Variants in TULP4 observed in about 807,000 individuals in gnomAD.
The protein encoded by TULP4 is TUB like protein 4, also known as tubby-related protein 4.
In TULP4, 16 loss-of-function variants were observed where a neutral mutation model predicts 129.0. The ratio of observed to expected loss-of-function variants is 0.12; its 90% confidence interval spans 0.08 to 0.19. The LOEUF (loss-of-function observed/expected upper bound fraction) is 0.19. Ranked by LOEUF, TULP4 falls within the 10% of genes least tolerant of loss-of-function variation. The pLI, the probability that TULP4 is intolerant of heterozygous loss-of-function variation, is 1.00. For missense variants in TULP4, 1,842 were observed against 2,059.1 expected (o/e 0.89, Z 2.04); for synonymous variants, 998 against 854.0 (o/e 1.17, Z -2.94).
intron 1 of TULP4, among the ~76,000 whole-genome samples, chr6:158,399,828 C>A (rs1777802138): frequency 6.6e-6 from 1 of 152,202 alleles, no homozygotes; most frequent in African/African-American, 2.4e-5. Flanking sequence ...CCTTGGAACT[C>A]TTACACTGTA....
chr6:158,451,689 G>T (rs977871888), intron 4 of TULP4, among the ~76,000 whole-genome samples: 1 of 152,192 alleles, frequency 6.6e-6, no homozygotes, highest in African/African-American at 2.4e-5. Context: ...AATGAAAGAG[G>T]ATTTAGAAAG....
chr6:158,250,760 C>T (rs755447931), intron 1 of TULP4, among the ~76,000 whole-genome samples: 35 of 152,108 alleles, frequency 2.3e-4, no homozygotes, highest in Non-Finnish European at 4.4e-4. Context: ...TTCTTTCTCC[C>T]CCACATGACT....
intron 1 of TULP4, among the ~76,000 whole-genome samples, chr6:158,246,788 A>G (rs550949525): frequency 2.8e-4 from 43 of 152,346 alleles, no homozygotes; most frequent in African/African-American, 9.6e-4. Context: ...AACAGTCTCT[A>G]TACTTATGTG....
chr6:158,259,455 C>T (rs1778310146), intron 1 of TULP4, among the ~76,000 whole-genome samples: 3 of 152,214 alleles, frequency 2.0e-5, no homozygotes, highest in Non-Finnish European at 4.4e-5. Context: ...CTATGGAATT[C>T]AGTTGGGATT....
chr6:158,287,393 A>G (rs1475792574), intron 1 of TULP4, among the ~76,000 whole-genome samples: 1 of 152,242 alleles, frequency 6.6e-6, no homozygotes, highest in East Asian at 1.9e-4. Context: ...AGAGTAGAAC[A>G]GTTTTAACAC....
chr6:158,306,335 ACTT>A (rs1201405303), intron 1 of TULP4, among the ~76,000 whole-genome samples: 2 of 152,142 alleles, frequency 1.3e-5, no homozygotes. Flanking sequence ...CAGGCAGATC[ACTT>A]GGGCCCAGGA....
chr6:158,494,725 C>T (rs1202402181), intron 10 of TULP4, 28 bp from the exon 11 acceptor site: 3 of 1,583,798 alleles, frequency 1.9e-6, no homozygotes, highest in Non-Finnish European at 2.6e-6. Context: ...GATTGTGATT[C>T]TTCTTTTTTC....
At chr6:158,447,848 A>G (rs949460105) in intron 3 of TULP4, among the ~76,000 whole-genome samples, 4 of 152,228 alleles carry the variant, frequency 2.6e-5, no homozygotes, top group Non-Finnish European at 2.9e-5. Context: ...TAAATTGGAG[A>G]TAACTTGCAT....
At chr6:158,363,584 A>G (rs997569605) in intron 1 of TULP4, among the ~76,000 whole-genome samples, 6 of 152,282 alleles carry the variant, frequency 3.9e-5, no homozygotes, top group Admixed American at 3.9e-4. Flanking sequence ...CCTGGGTTCA[A>G]GTGATTCTCC....
At chr6:158,415,035 CTT>C in intron 2 of TULP4, among the ~76,000 whole-genome samples, 1 of 152,308 alleles carries the variant, frequency 6.6e-6, no homozygotes, top group East Asian at 1.9e-4. Flanking sequence ...ATGATTTTCT[CTT>C]TTGGCAGAGA....
intron 1 of TULP4, among the ~76,000 whole-genome samples, chr6:158,388,238 C>A (rs1168145772): frequency 2.0e-5 from 3 of 151,316 alleles, no homozygotes; most frequent in African/African-American, 7.3e-5. Flanking sequence ...AAATAATTAA[C>A]CATGTAATTT....
At position 158,502,315 on chromosome 6, in the gene TULP4, C is replaced by T; in HGVS notation, c.2652C>T (p.Gly884=). ...CAGTGCACTACCAGACCCCCCTGGGCTATGAGAGGATCACCACCTTCGACA... is the reference window on the plus strand; with the variant it reads ...CAGTGCACTACCAGACCCCCCTGGGTTATGAGAGGATCACCACCTTCGACA... ...PTSVHYQTPL[G]YERITTFDSS... Residue 884 remains glycine (G), a synonymous_variant, in exon 13 of 14, where the codon GGC becomes GGT. Transcript: ENST00000367097. 4 of 1,613,508 alleles carry T rather than the reference C, an allele frequency of 2.5e-6. No homozygotes were observed. The highest frequency in any genetic ancestry group is 3.4e-6 in the Non-Finnish European group (4 of 1,179,872).
Position 158,452,213 on chromosome 6 carries a change from C to T in TULP4, c.804C>T (p.Ser268=), listed in dbSNP as rs1281423385. ...LTVSFTSGDI[S]LMNNYDDLSP... ...TCAGCTTCACCTCGGGAGACATCAGCTTAATGAACAACTACGATGACTTGT... is the reference window on the plus strand; with the variant it reads ...TCAGCTTCACCTCGGGAGACATCAGTTTAATGAACAACTACGATGACTTGT... The change falls in exon 5 of 14, where the codon AGC becomes AGT. Residue 268 remains serine (S), a synonymous_variant. Coordinates refer to ENST00000367097, the MANE Select transcript of TULP4 (RefSeq NM_020245.5). 1 of 1,614,188 alleles carries T rather than the reference C, an allele frequency of 6.2e-7. No homozygotes were observed. The highest frequency in any genetic ancestry group is 8.5e-7 in the Non-Finnish European group (1 of 1,180,034).
chr6:158,280,019 T>C (rs1259316132), upstream of TULP4, among the ~76,000 whole-genome samples: 2 of 152,236 alleles, frequency 1.3e-5, no homozygotes, highest in East Asian at 3.8e-4. Flanking sequence ...AGGGTTTGAC[T>C]TTCTCCATCC....
chr6:158,352,959 T>C (rs965359458), intron 1 of TULP4, among the ~76,000 whole-genome samples: 2 of 152,228 alleles, frequency 1.3e-5, no homozygotes, highest in Non-Finnish European at 2.9e-5. Flanking sequence ...TATTCTTTCG[T>C]ATTTGTGTCT....
rs1447696331 is a variant in TULP4 at position 158,502,442 on chromosome 6, C to T, written c.2779C>T (p.Leu927Phe). Residue 927 changes from leucine to phenylalanine, a missense_variant, in exon 13 of 14, where the codon CTC becomes TTC. Transcript: ENST00000367097. ...CCCGGGTAGCTCTGCCACCTTGAGGCTCACGGCCACTGAGAAGAAGGTCCC... is the reference window on the plus strand; with the variant it reads ...CCCGGGTAGCTCTGCCACCTTGAGGTTCACGGCCACTGAGAAGAAGGTCCC... ...PGPGSSATLRLTATEKKVPQP... is the reference protein window; with the variant it reads ...PGPGSSATLRFTATEKKVPQP... The T allele has an allele frequency of 2.5e-6, 4 of 1,613,570 alleles. No homozygotes were observed. Among genetic ancestry groups the T allele is most frequent in the Non-Finnish European group, 2.5e-6 (3 of 1,179,902 alleles).
chr6:158,444,020 C>A lies in TULP4; in HGVS notation c.544-4976C>A, dbSNP rs997962382. 1.1e-4 allele frequency among the ~76,000 whole-genome samples: 16 copies of A among 151,904 alleles called. No homozygotes were observed. The East Asian group carries it at 2.1e-3, about 20-fold the overall frequency. On this transcript the variant is annotated intron_variant, in intron 3 of 13. Coordinates refer to ENST00000367097, the MANE Select transcript of TULP4 (RefSeq NM_020245.5). Reference sequence around the variant, plus strand: ...GGATCACAAGGTCAGGAGATTGAGACCATCCTGGCTAACACGGTGAAACCC... The same window carrying A: ...GGATCACAAGGTCAGGAGATTGAGAACATCCTGGCTAACACGGTGAAACCC...
In TULP4 at chr6:158,503,317, T is replaced by C; in HGVS notation, c.3654T>C (p.Phe1218=). The change falls in exon 13 of 14, where the codon TTT becomes TTC. Residue 1218 remains phenylalanine (F), a synonymous_variant. Transcript: ENST00000367097. This position sits in a 1 kb window ranked among gnomAD's most constrained non-coding sequence, Gnocchi z 4.3. Reference sequence around the variant, plus strand: ...AAGATGCCCTGTCCCCAACGCAGTTTGCACAACAGGAGCCTGCTGTGGTCC... The same window carrying C: ...AAGATGCCCTGTCCCCAACGCAGTTCGCACAACAGGAGCCTGCTGTGGTCC... The part of the protein sequence containing the change: ...SPKDALSPTQ[F]AQQEPAVVLQ... 6.2e-7 allele frequency: 1 copy of C among 1,613,726 alleles called. No individual in the cohort carries two copies. Among genetic ancestry groups the C allele is most frequent in the South Asian group, 1.1e-5 (1 of 91,070 alleles).
chr6:158,493,773 A>T lies in TULP4; in HGVS notation c.1776+56A>T. 6.8e-7 allele frequency: 1 copy of T among 1,476,680 alleles called. No homozygotes were observed. The highest frequency in any genetic ancestry group is 9.0e-7 in the Non-Finnish European group (1 of 1,111,976). 91.5% of individuals were successfully genotyped at this position (1,476,680 alleles called of 1,614,324 possible). ...CCCTCCTCCTGGGGGCTATGCCCAG[A>T]GGGCCCCTTCCTACCCGCCGCCTGC... On this transcript the variant is annotated intron_variant, in intron 10 of 13. Transcript: ENST00000367097. The surrounding 1 kb of genome is among the most constrained non-coding windows in gnomAD (Gnocchi z 4.4).
Sources: allele counts gnomAD v4.1 joint callset (sites outside exome capture counted in the v4.1 genomes callset), GRCh38; gene constraint gnomAD v4.1.1; non-coding constraint Gnocchi (gnomAD v3.1); transcripts MANE v1.5; gene names NCBI Gene and HGNC (gene_info 2026-07-23, HGNC 2026-07-21).